Variants in MPRIP observed in about 807,000 individuals in gnomAD.
MPRIP encodes myosin phosphatase Rho-interacting protein.
In MPRIP, 59 loss-of-function variants were observed where a neutral mutation model predicts 234.9. The ratio of observed to expected loss-of-function variants is 0.25; its 90% confidence interval spans 0.20 to 0.31. The LOEUF (loss-of-function observed/expected upper bound fraction) is 0.31, where lower values mean the gene tolerates loss of function less well. Among genes scored for constraint, MPRIP ranks in the 10% least tolerant of loss-of-function variants. MPRIP has a pLI of 1.00. For missense variants in MPRIP, 2,436 were observed against 3,071.0 expected (o/e 0.79, Z 4.89); for synonymous variants, 1,144 against 1,263.9 (o/e 0.91, Z 2.01).
chr17:17,140,249 G>C (rs982005985), intron 7 of MPRIP, among the ~76,000 whole-genome samples: 1 of 152,124 alleles, frequency 6.6e-6, no homozygotes, highest in Non-Finnish European at 1.5e-5. Context: ...CAGCACACCT[G>C]CTTGGCTTGG....
chr17:17,174,392 C>T (rs938880639), intron 19 of MPRIP, among the ~76,000 whole-genome samples: 2 of 152,246 alleles, frequency 1.3e-5, no homozygotes, highest in African/African-American at 2.4e-5. Flanking sequence ...CTTCTCTGTG[C>T]TCCTCTGAAC....
chr17:17,180,999 C>T (rs116965912), intron 23 of MPRIP, among the ~76,000 whole-genome samples: 2,160 of 152,360 alleles, frequency 0.014, 29 homozygotes, highest in Non-Finnish European at 0.023. Flanking sequence ...GTGGAATTTA[C>T]AGATGTCCAC....
chr17:17,164,020 C>A, intron 15 of MPRIP, 89 bp from the exon 16 acceptor site: 3 of 896,870 alleles, frequency 3.3e-6, no homozygotes, highest in Non-Finnish European at 4.7e-6. Flanking sequence ...CATCAAGGAG[C>A]TTTCTGTGGT....
At chr17:17,044,363 G>C (rs2088278990) in intron 1 of MPRIP, among the ~76,000 whole-genome samples, 1 of 152,136 alleles carries the variant, frequency 6.6e-6, no homozygotes, top group Admixed American at 6.5e-5. Flanking sequence ...GAGTTGTTAG[G>C]AGACTTTGCT....
At position 17,165,971 on chromosome 17, in the gene MPRIP, G is replaced by A. The variant is rs992718523; in HGVS notation, c.4380G>A (p.Gly1460=). 4 of 1,304,208 alleles carry A rather than the reference G, an allele frequency of 3.1e-6. No homozygotes were observed. In the African/African-American group the frequency reaches 4.6e-5, roughly 15 times the overall value. The allele number at this position is 1,304,208 out of a possible 1,614,324, so 80.8% of individuals were successfully genotyped here. The stretch of plus-strand genomic sequence containing the variant: ...AGGAGAGGGCCAGGAGGGTTGAAGG[G>A]CATGTTGGAGAGCTTGGGGACTTCC... ...ERQERARRVE[G]HVGELGDFQV... is the part of the protein sequence containing the mutation. The change falls in exon 16 of 24, where the codon GGG becomes GGA. Residue 1460 remains glycine (G), a synonymous_variant. Coordinates refer to ENST00000651222, the MANE Select transcript of MPRIP (RefSeq NM_001364716.4).
rs1450636166 is a variant in MPRIP at position 17,165,829 on chromosome 17, A to C, written c.4238A>C (p.Glu1413Ala). 4.6e-6 allele frequency: 6 copies of C among 1,304,070 alleles called. No individual in the cohort carries two copies. In the Admixed American group the frequency reaches 1.1e-4, roughly 25 times the overall value. The allele number at this position is 1,304,070 out of a possible 1,614,324, so 80.8% of individuals were successfully genotyped here. The stretch of plus-strand genomic sequence containing the variant: ...GAGAGCCAGCAGGGTCAGAGCCGTG[A>C]GGCACTGCTCGCACTGCACCACCAG... ...RLESQQGQSR[E>A]ALLALHHQWA... Residue 1413 changes from glutamate to alanine, a missense_variant, in exon 16 of 24, where the codon GAG (glutamate) becomes GCG (alanine). Physicochemically the swap from Glu to Ala is moderately radical, Grantham distance 107. Coordinates refer to ENST00000651222, the MANE Select transcript of MPRIP (RefSeq NM_001364716.4).
chr17:17,141,361 C>G (rs376274308), intron 7 of MPRIP: 2 of 152,472 alleles, frequency 1.3e-5, no homozygotes, highest in East Asian at 1.9e-4. Flanking sequence ...CTCACAATGC[C>G]GCGGCCTCTG....
At chr17:17,163,725 G>A (rs1351466792) in intron 15 of MPRIP, among the ~76,000 whole-genome samples, 3 of 152,066 alleles carry the variant, frequency 2.0e-5, no homozygotes, top group African/African-American at 4.8e-5. Flanking sequence ...TTTTTGTTTT[G>A]TGAAACAAAC....
At position 17,167,683 on chromosome 17, in the gene MPRIP, T is replaced by G. The variant is rs2046033472; in HGVS notation, c.6092T>G (p.Leu2031Arg). Residue 2031 changes from leucine to arginine, a missense_variant, in exon 16 of 24, where the codon CTT becomes CGT. Physicochemically the swap from Leu to Arg is moderately radical, Grantham distance 102. Transcript: ENST00000651222. The surrounding 1 kb of genome is among the most constrained non-coding windows in gnomAD (Gnocchi z 5.9). ...CACTACTCGCAGAGCCTGAGGTGCC[T>G]TCAGGACACCCTCTGCCTCCACCAG... is the stretch of plus-strand genomic sequence containing the variant. ...QEHYSQSLRCLQDTLCLHQGP... is the reference protein window; with the variant it reads ...QEHYSQSLRCRQDTLCLHQGP... 3 of 1,304,124 alleles carry G rather than the reference T, an allele frequency of 2.3e-6. No individual in the cohort carries two copies. The highest frequency in any genetic ancestry group is 3.0e-6 in the Non-Finnish European group (3 of 988,914). The allele number at this position is 1,304,124 out of a possible 1,614,324, so 80.8% of individuals were successfully genotyped here. A position where few individuals can be genotyped will look rare whatever the true frequency, so the allele number is the denominator to read the frequency against.
chr17:17,164,282 T>C lies in MPRIP; in HGVS notation c.2691T>C (p.Ala897=). 1 of 1,304,214 alleles carries C rather than the reference T, an allele frequency of 7.7e-7. No individual in the cohort carries two copies. Among genetic ancestry groups the C allele is most frequent in the Non-Finnish European group, 1.0e-6 (1 of 988,968 alleles). The allele number at this position is 1,304,214 out of a possible 1,614,324, so 80.8% of individuals were successfully genotyped here. The change falls in exon 16 of 24, where the codon GCT becomes GCC. Residue 897 remains alanine (A), a synonymous_variant. Transcript: ENST00000651222. ...AGGACACGATCCGGCACCACGAGGC[T>C]GAGATCCGGAGCCTTCAGGCACGGC... ...EAKDTIRHHE[A]EIRSLQARLS...
intron 3 of MPRIP, among the ~76,000 whole-genome samples, chr17:17,116,739 A>G (rs1265877231): frequency 6.6e-6 from 1 of 152,136 alleles, no homozygotes; most frequent in Non-Finnish European, 1.5e-5. Flanking sequence ...AGCTGGGGAG[A>G]GGGGTCAGAA....
At chr17:17,184,467 G>C (rs886458789) in intron 23 of MPRIP, among the ~76,000 whole-genome samples, 5 of 152,230 alleles carry the variant, frequency 3.3e-5, no homozygotes, top group African/African-American at 1.2e-4. Context: ...CCATTCACAA[G>C]ACAAGACACG....
intron 13 of MPRIP, among the ~76,000 whole-genome samples, chr17:17,158,201 C>T (rs2045773736): frequency 6.6e-6 from 1 of 152,186 alleles, no homozygotes; most frequent in African/African-American, 2.4e-5. Context: ...TTCCTTTCCC[C>T]TTCCCCTCCC....
In MPRIP at chr17:17,184,781, A is replaced by G. The variant is rs764403743; in HGVS notation, c.7207-42A>G. 3.3e-6 allele frequency: 5 copies of G among 1,506,264 alleles called. No homozygotes were observed. In the South Asian group the frequency reaches 5.6e-5, roughly 17 times the overall value. 93.3% of individuals were successfully genotyped at this position (1,506,264 alleles called of 1,614,324 possible). ...CGGTCCGGTCCAGTGCAGGGGGTCT[A>G]ACGGTGTGTTTATTTTCTCCTCCTG... On this transcript the variant is annotated intron_variant, in intron 23 of 23. Transcript: ENST00000651222.
intron 10 of MPRIP, 141 bp downstream of exon 10, chr17:17,146,233 G>A (rs117407639): frequency 0.065 from 48,431 of 743,526 alleles, 2,029 homozygotes; most frequent in Non-Finnish European, 0.075. Context: ...CAGGGCTGTG[G>A]CTGAGACTCC....
At chr17:17,075,982 C>T (rs1411475106) in intron 2 of MPRIP, 195 bp downstream of exon 2, 6 of 551,210 alleles carry the variant, frequency 1.1e-5, no homozygotes, top group Non-Finnish European at 1.6e-5. Flanking sequence ...GTGTGTAGTG[C>T]TCCCTTCAGA....
At chr17:17,123,703 C>CAAAAAAAAAAA (rs371753802) in intron 3 of MPRIP, among the ~76,000 whole-genome samples, 11 of 59,226 alleles carry the variant, frequency 1.9e-4, no homozygotes, top group South Asian at 7.0e-4. Context: ...GACTTCGTCT[C>CAAAAAAAAAAA]AAAAAAAAAA....
At chr17:17,096,896 CTT>C in intron 3 of MPRIP, 1 of 440,914 alleles carries the variant, frequency 2.3e-6, no homozygotes, top group Admixed American at 2.6e-5. Context: ...AAAAAGCATC[CTT>C]GTCTTCTAGA....
At chr17:17,146,289 G>T (rs112241132) in intron 10 of MPRIP, among the ~76,000 whole-genome samples, 197 bp downstream of exon 10, 1 of 152,202 alleles carries the variant, frequency 6.6e-6, no homozygotes, top group Admixed American at 6.5e-5. Flanking sequence ...TTTCTGCAGT[G>T]GGGGGTGCTC....
Sources: allele counts gnomAD v4.1 joint callset (sites outside exome capture counted in the v4.1 genomes callset), GRCh38; gene constraint gnomAD v4.1.1; non-coding constraint Gnocchi (gnomAD v3.1); transcripts MANE v1.5; gene names NCBI Gene and HGNC (gene_info 2026-07-23, HGNC 2026-07-21).